The following P2RX3 variants were observed in gnomAD, a reference collection of about 807,000 sequenced individuals.
P2RX3 encodes purinergic receptor P2X 3.
P2RX3 carries 41 observed loss-of-function variants against 51.5 expected under a neutral mutation model. The ratio of observed to expected loss-of-function variants is 0.80; its 90% CI spans 0.62 to 1.03. P2RX3 has a LOEUF of 1.03. Among genes scored for constraint, P2RX3 ranks in the 50% least tolerant of loss-of-function variants. P2RX3 has a pLI of 0.00. For synonymous variants in P2RX3, 185 were observed against 191.6 expected, an observed-to-expected ratio of 0.97 and a Z score of 0.29; for missense variants, 459 against 522.1, an observed-to-expected ratio of 0.88 and a Z score of 1.18.
chr11:57,349,402 G>A (rs748868018), intron 6 of P2RX3, among the ~76,000 whole-genome samples: 8 of 151,914 alleles, frequency 5.3e-5, no homozygotes, highest in Non-Finnish European at 8.8e-5. Context: ...GGAGGCAGAG[G>A]TTGCAGTGAG....
intron 8 of P2RX3, among the ~76,000 whole-genome samples, chr11:57,364,074 C>T (rs933580707): frequency 6.6e-6 from 1 of 152,222 alleles, no homozygotes; most frequent in Non-Finnish European, 1.5e-5. Context: ...GTTGATGTCA[C>T]TGTCAGAGCC....
At chr11:57,356,477 A>C (rs866711203) in intron 8 of P2RX3, among the ~76,000 whole-genome samples, 2 of 152,182 alleles carry the variant, frequency 1.3e-5, no homozygotes, top group Admixed American at 1.3e-4. Context: ...ACAAAAAAAC[A>C]TTTGTTCAGC....
chr11:57,339,057 C>G (rs1296999096), intron 1 of P2RX3, among the ~76,000 whole-genome samples: 1 of 152,168 alleles, frequency 6.6e-6, no homozygotes, highest in Non-Finnish European at 1.5e-5. Context: ...TCAGTCAAGT[C>G]TTCGGGGTCT....
chr11:57,345,706 G>C (rs527626876), intron 1 of P2RX3, among the ~76,000 whole-genome samples: 2 of 152,136 alleles, frequency 1.3e-5, no homozygotes, highest in Non-Finnish European at 2.9e-5. Context: ...CCTTTTGCTC[G>C]AGGCCAGGAA....
chr11:57,365,653 T>C (rs942597602), intron 8 of P2RX3, among the ~76,000 whole-genome samples: 2 of 152,210 alleles, frequency 1.3e-5, no homozygotes, highest in African/African-American at 4.8e-5. Flanking sequence ...TGAGCACACC[T>C]GTGCTTATAG....
chr11:57,348,508 C>A, intron 5 of P2RX3, 119 bp from the exon 6 acceptor site: 2 of 844,590 alleles, frequency 2.4e-6, no homozygotes, highest in South Asian at 1.6e-5. Context: ...TCAAAGTGCC[C>A]TTTATCTATA....
chr11:57,348,511 T>C (rs1038674213), intron 5 of P2RX3, 116 bp from the exon 6 acceptor site: 9 of 854,736 alleles, frequency 1.1e-5, no homozygotes, highest in Non-Finnish European at 1.3e-5. Flanking sequence ...AAGTGCCCTT[T>C]ATCTATAAGA....
chr11:57,337,311 G>A (rs1014485830), upstream of P2RX3, among the ~76,000 whole-genome samples: 685 of 10,284 alleles, frequency 0.067, no homozygotes, highest in Middle Eastern at 0.25. Context: ...AAAAAAGAAA[G>A]AAAGAAAAAG....
At chr11:57,359,310 C>T (rs1310503312) in intron 8 of P2RX3, among the ~76,000 whole-genome samples, 1 of 152,018 alleles carries the variant, frequency 6.6e-6, no homozygotes, top group Non-Finnish European at 1.5e-5. Flanking sequence ...ACCAAATTCC[C>T]CAGAAACCAG....
chr11:57,359,409 C>A (rs950813869), intron 8 of P2RX3, among the ~76,000 whole-genome samples: 1 of 152,200 alleles, frequency 6.6e-6, no homozygotes, highest in East Asian at 1.9e-4. Flanking sequence ...AGTGCAGAGT[C>A]TCTGGCCCAC....
chr11:57,341,586 C>T (rs1856341624), intron 1 of P2RX3, among the ~76,000 whole-genome samples: 1 of 152,176 alleles, frequency 6.6e-6, no homozygotes, highest in Non-Finnish European at 1.5e-5. Flanking sequence ...CCACTCACCT[C>T]TGTGGAGTGG....
At chr11:57,365,719 G>C (rs777211828) in intron 8 of P2RX3, among the ~76,000 whole-genome samples, 3 of 152,170 alleles carry the variant, frequency 2.0e-5, no homozygotes, top group East Asian at 1.9e-4. Context: ...ATTAACAAGT[G>C]GGGGAGCCAG....
chr11:57,344,215 T>C (rs1221326944), intron 1 of P2RX3, among the ~76,000 whole-genome samples: 2 of 152,276 alleles, frequency 1.3e-5, no homozygotes, highest in African/African-American at 4.8e-5. Flanking sequence ...CATATGCTGG[T>C]GCTTTGACTA....
intron 8 of P2RX3, among the ~76,000 whole-genome samples, chr11:57,356,309 A>G (rs1473738928): frequency 6.6e-6 from 1 of 152,242 alleles, no homozygotes; most frequent in Non-Finnish European, 1.5e-5. Flanking sequence ...AATAGCTCTA[A>G]GAGATATACC....
At chr11:57,344,114 A>G (rs1856390298) in intron 1 of P2RX3, among the ~76,000 whole-genome samples, 8 of 152,256 alleles carry the variant, frequency 5.3e-5, no homozygotes, top group Admixed American at 4.6e-4. Flanking sequence ...GCATTTTACA[A>G]GCACGCAAGT....
intron 4 of P2RX3, among the ~76,000 whole-genome samples, chr11:57,347,775 G>T (rs1856468421): frequency 6.6e-6 from 1 of 152,150 alleles, no homozygotes; most frequent in Admixed American, 6.5e-5. Flanking sequence ...TTGCTTCTGG[G>T]TGAGCAGTAC....
In P2RX3 at chr11:57,372,175, T is replaced by C. The variant is rs1168519736; in HGVS notation, c.*2178T>C. ...CCGCTATGGTTTGTCATTAATCCTATTTGATAGAAAAAGAAATTTACAGTA... is the reference window on the plus strand; with the variant it reads ...CCGCTATGGTTTGTCATTAATCCTACTTGATAGAAAAAGAAATTTACAGTA... On this transcript the variant is annotated 3_prime_UTR_variant, in exon 12 of 12. Coordinates refer to ENST00000263314, the MANE Select transcript of P2RX3 (RefSeq NM_002559.5). Among the ~76,000 whole-genome samples, 4 of 152,224 alleles carry C rather than the reference T, an allele frequency of 2.6e-5. No individual in the cohort carries two copies. The highest frequency in any genetic ancestry group is 9.6e-5 in the African/African-American group (4 of 41,454).
chr11:57,361,726 AT>A (rs1856722450), intron 8 of P2RX3, among the ~76,000 whole-genome samples: 2 of 152,194 alleles, frequency 1.3e-5, no homozygotes, highest in Admixed American at 6.5e-5. Context: ...TGTGTTTGCT[AT>A]TGTGAACAGT....
At position 57,346,581 on chromosome 11, in the gene P2RX3, G is replaced by C; in HGVS notation, c.157G>C (p.Asp53His). ...GCACGAGAAGGCTTACCAGGTACGG[G>C]ACACAGCCATTGAGTCCTCGGTGGT... ...FLHEKAYQVR[D>H]TAIESSVVTK... Residue 53 changes from aspartate to histidine, a missense_variant, in exon 2 of 12, where the codon GAC becomes CAC. By Grantham distance (81) the Asp-to-His change is moderately conservative. Transcript: ENST00000263314. 6.2e-7 allele frequency: 1 copy of C among 1,614,156 alleles called. No individual in the cohort carries two copies. Among genetic ancestry groups the C allele is most frequent in the Non-Finnish European group, 8.5e-7 (1 of 1,180,026 alleles).
Sources: gnomAD v4.1 joint callset for allele counts (sites outside exome capture counted in the v4.1 genomes callset) on GRCh38, gnomAD v4.1.1 for gene constraint, MANE v1.5 for transcripts, NCBI Gene and HGNC (gene_info 2026-07-23, HGNC 2026-07-21) for gene names.